CASP2: variants seen among roughly 807,000 people sequenced by gnomAD.
The protein encoded by CASP2 is caspase 2.
In CASP2, 38 loss-of-function variants were observed where a neutral mutation model predicts 54.4. That is an observed-to-expected ratio of 0.70 (90% CI 0.54 to 0.92). CASP2 has a LOEUF of 0.92. Ranked by LOEUF, CASP2 falls within the 40% of genes least tolerant of loss-of-function variation. The pLI is 0.00. For missense variants in CASP2, 512 were observed against 579.6 expected, an observed-to-expected ratio of 0.88 and a Z score of 1.20; for synonymous variants, 215 against 216.3, an observed-to-expected ratio of 0.99 and a Z score of 0.05.
In CASP2 at chr7:143,291,657, C is replaced by T. The variant is rs771774414; in HGVS notation, c.192C>T (p.Asp64=). 6 of 1,613,520 alleles carry T rather than the reference C, an allele frequency of 3.7e-6. No homozygotes were observed. Among genetic ancestry groups the T allele is most frequent in the Non-Finnish European group, 4.2e-6 (5 of 1,179,880 alleles). Reference sequence around the variant, plus strand: ...TGTTAGAACATCTTCTGGAGAAGGACATCATCACCTTGGAAATGAGGGAGC... The same window carrying T: ...TGTTAGAACATCTTCTGGAGAAGGATATCATCACCTTGGAAATGAGGGAGC... ...SELLEHLLEK[D]IITLEMRELI... Residue 64 remains aspartate, a synonymous_variant, in exon 2 of 11, where the codon GAC becomes GAT. Coordinates refer to ENST00000310447, the MANE Select transcript of CASP2 (RefSeq NM_032982.4).
At chr7:143,290,035 G>C (rs1449092406) in intron 1 of CASP2, among the ~76,000 whole-genome samples, 1 of 145,572 alleles carries the variant, frequency 6.9e-6, no homozygotes, top group African/African-American at 2.5e-5. Context: ...CTGACTCTAA[G>C]ATACACATTT....
At chr7:143,291,381 G>A (rs1801552030) in intron 1 of CASP2, among the ~76,000 whole-genome samples, 159 bp from the exon 2 acceptor site, 1 of 152,178 alleles carries the variant, frequency 6.6e-6, no homozygotes, top group Admixed American at 6.5e-5. Context: ...ATGTGTTCCT[G>A]CTTAGTACAT....
Position 143,292,299 on chromosome 7 carries a change from G to T in CASP2, c.226-1G>T. On this transcript the variant is annotated splice_acceptor_variant, in intron 2 of 10. Coordinates refer to ENST00000310447, the MANE Select transcript of CASP2 (RefSeq NM_032982.4). LOFTEE classifies it high-confidence loss of function. ...TTTCATGTTTTATTCTTGTGTCTTA[G>T]GCCAAAGTGGGCAGTTTCAGCCAGA... The T allele has an allele frequency of 6.2e-7, 1 of 1,614,076 alleles. No individual in the cohort carries two copies. Among genetic ancestry groups the T allele is most frequent in the South Asian group, 1.1e-5 (1 of 91,074 alleles).
intron 8 of CASP2, 44 bp downstream of exon 8, chr7:143,300,338 C>T (rs555135029): frequency 1.2e-6 from 2 of 1,607,828 alleles, no homozygotes; most frequent in East Asian, 2.2e-5. Flanking sequence ...GGCTCCTGGG[C>T]AGCCTCCCAC....
chr7:143,300,591 TGCTTCATTA>T, intron 8 of CASP2: 1 of 1,437,634 alleles, frequency 7.0e-7, no homozygotes, highest in South Asian at 1.2e-5. Context: ...CTCTTTTCTG[TGCTTCATTA>T]ACTCTGGTGC....
intron 2 of CASP2, among the ~76,000 whole-genome samples, chr7:143,292,000 G>C (rs1052770606): frequency 6.6e-6 from 1 of 151,784 alleles, no homozygotes; most frequent in African/African-American, 2.4e-5. Context: ...GGAGGGTGTC[G>C]ATCTCCTGAC....
chr7:143,305,128 T>C lies in CASP2; in HGVS notation c.*57T>C. 6.2e-7 allele frequency: 1 copy of C among 1,607,924 alleles called. No individual in the cohort carries two copies. The highest frequency in any genetic ancestry group is 8.5e-7 in the Non-Finnish European group (1 of 1,174,616). ...AGCCACTGGACCACAGGAGGTGTGA[T>C]AGAGCCTTTGATCTTCAGGATGCAC... On this transcript the variant is annotated 3_prime_UTR_variant, in exon 11 of 11. Coordinates refer to ENST00000310447, the MANE Select transcript of CASP2 (RefSeq NM_032982.4).
rs577337436 is a variant in CASP2 at position 143,291,839 on chromosome 7, C to T, written c.225+149C>T. ...TGTCTCCCAGGCTGGAGTACAATGG[C>T]GCGATCTTGGCTCACTGCAGCCTCT... On this transcript the variant is annotated intron_variant, in intron 2 of 10. Transcript: ENST00000310447. 4.7e-5 allele frequency: 30 copies of T among 643,484 alleles called. No homozygotes were observed. In the African/African-American group the frequency reaches 5.5e-4, roughly 12 times the overall value. The allele number at this position is 643,484 out of a possible 1,614,324, so 39.9% of individuals were successfully genotyped here.
At chr7:143,304,862 T>A in intron 10 of CASP2, 78 bp from the exon 11 acceptor site, 1 of 1,609,658 alleles carries the variant, frequency 6.2e-7, no homozygotes, top group Admixed American at 1.7e-5. Flanking sequence ...TCTTTCATAG[T>A]CCGTCTCCCC....
intron 6 of CASP2, among the ~76,000 whole-genome samples, chr7:143,298,968 T>G (rs1255387228): frequency 2.7e-5 from 4 of 148,440 alleles, no homozygotes; most frequent in African/African-American, 4.9e-5. Context: ...CGGTTTTTGG[T>G]TTTTTTTTTG....
chr7:143,292,148 A>G, intron 2 of CASP2, 152 bp from the exon 3 acceptor site: 2 of 739,626 alleles, frequency 2.7e-6, no homozygotes, highest in Non-Finnish European at 4.6e-6. Context: ...ATGATATATA[A>G]CTCAAGAATA....
chr7:143,292,604 T>A lies in CASP2; in HGVS notation c.394-13T>A. ...CCCTAAGGTCTGTCATCATGAGTTT[T>A]GATTTCTTACAGTTGAGCTGTGACT... On this transcript the variant is annotated splice_polypyrimidine_tract_variant and intron_variant, in intron 3 of 10. Transcript: ENST00000310447. The A allele has an allele frequency of 6.2e-7, 1 of 1,613,674 alleles. No homozygotes were observed. The highest frequency in any genetic ancestry group is 8.5e-7 in the Non-Finnish European group (1 of 1,179,608).
At chr7:143,288,637 G>C (rs950989118) in intron 1 of CASP2, 108 bp downstream of exon 1, 2 of 1,047,758 alleles carry the variant, frequency 1.9e-6, no homozygotes, top group Non-Finnish European at 2.8e-6. Flanking sequence ...CCGGAAAGCA[G>C]CCGTGTCCGC....
chr7:143,303,510 T>C (rs908854078), intron 8 of CASP2: 2 of 367,056 alleles, frequency 5.4e-6, no homozygotes, highest in Non-Finnish European at 1.0e-5. Flanking sequence ...TTTCCCTGTC[T>C]TACACAGAAT....
At chr7:143,298,410 A>G (rs1563063890) in intron 6 of CASP2, 1 of 152,188 alleles carries the variant, frequency 6.6e-6, no homozygotes, top group East Asian at 1.9e-4. Context: ...TGTGTGCCCA[A>G]TTATTATGCT....
At chr7:143,297,991 A>C (rs368328826) in intron 6 of CASP2, among the ~76,000 whole-genome samples, 2 of 152,350 alleles carry the variant, frequency 1.3e-5, no homozygotes, top group Admixed American at 6.5e-5. Context: ...CAGACTTTCA[A>C]ATATTTTATG....
rs1201079617 is a variant in CASP2 at position 143,307,450 on chromosome 7, C to CT, written c.*2381dup. ...TTTTATCCACTGGCATTTTTAGCTC[C>CT]TTGAAGACATATCATGTGTGAGATA... On this transcript the variant is annotated 3_prime_UTR_variant, in exon 11 of 11. Coordinates refer to ENST00000310447, the MANE Select transcript of CASP2 (RefSeq NM_032982.4). 6.6e-6 allele frequency: 1 copy of CT among 152,184 alleles called. No individual in the cohort carries two copies. The highest frequency in any genetic ancestry group is 1.5e-5 in the Non-Finnish European group (1 of 68,032). The allele number at this position is 152,184 out of a possible 1,614,324, so 9.4% of individuals were successfully genotyped here.
chr7:143,293,326 C>G, intron 4 of CASP2: 1 of 430,434 alleles, frequency 2.3e-6, no homozygotes, highest in Non-Finnish European at 4.1e-6. Flanking sequence ...AGGAGTCTCA[C>G]TTTGTTACCC....
At chr7:143,300,559 C>T (rs1265204390) in intron 8 of CASP2, 23 of 1,502,322 alleles carry the variant, frequency 1.5e-5, no homozygotes, top group Non-Finnish European at 2.0e-5. Flanking sequence ...CGTGTCTTTG[C>T]CTTCCTTTCT....
Sources: allele counts gnomAD v4.1 joint callset (sites outside exome capture counted in the v4.1 genomes callset), GRCh38; gene constraint gnomAD v4.1.1; transcripts MANE v1.5; gene names NCBI Gene and HGNC (gene_info 2026-07-23, HGNC 2026-07-21).